ATF6: variants seen among roughly 807,000 people sequenced by gnomAD.
ATF6 encodes the protein activating transcription factor 6.
ATF6 carries 53 observed loss-of-function variants against 83.6 expected under a neutral mutation model. The observed-to-expected ratio is 0.63, with a 90% CI of 0.51 to 0.80. The LOEUF (loss-of-function observed/expected upper bound fraction) is 0.80. Among genes scored for constraint, ATF6 ranks in the 30% least tolerant of loss-of-function variants. The pLI, the probability that ATF6 is intolerant of heterozygous loss-of-function variation, is 0.00. For missense variants in ATF6, 744 were observed against 797.9 expected, an observed-to-expected ratio of 0.93 and a Z score of 0.81; for synonymous variants, 288 against 285.8, an observed-to-expected ratio of 1.01 and a Z score of -0.08.
At chr1:161,906,248 A>G (rs1204076474) in intron 14 of ATF6, among the ~76,000 whole-genome samples, 1 of 152,238 alleles carries the variant, frequency 6.6e-6, no homozygotes, top group African/African-American at 2.4e-5. Flanking sequence ...AGGGAGATCA[A>G]TCCTGACCTG....
intron 14 of ATF6, among the ~76,000 whole-genome samples, chr1:161,878,233 C>A (rs1348894044): frequency 6.6e-6 from 1 of 152,100 alleles, no homozygotes; most frequent in African/African-American, 2.4e-5. Context: ...CCTGCCTCAG[C>A]CTCCTGAGAA....
At chr1:161,937,423 T>C (rs1296441722) in intron 15 of ATF6, among the ~76,000 whole-genome samples, 1 of 149,836 alleles carries the variant, frequency 6.7e-6, no homozygotes, top group Non-Finnish European at 1.5e-5. Context: ...TTACCATAAA[T>C]AATTCATCTC....
At chr1:161,920,511 G>A (rs1225241174) in intron 15 of ATF6, among the ~76,000 whole-genome samples, 5 of 151,764 alleles carry the variant, frequency 3.3e-5, no homozygotes, top group Non-Finnish European at 7.4e-5. Flanking sequence ...AGCCAGGGTG[G>A]TCTCGATCTC....
intron 1 of ATF6, among the ~76,000 whole-genome samples, chr1:161,769,147 C>G (rs1684330915): frequency 6.6e-6 from 1 of 152,144 alleles, no homozygotes; most frequent in African/African-American, 2.4e-5. Flanking sequence ...TGTGATAGTG[C>G]AGGAGCAGCC....
intron 14 of ATF6, among the ~76,000 whole-genome samples, chr1:161,883,685 T>C (rs1687363828): frequency 6.6e-6 from 1 of 152,018 alleles, no homozygotes; most frequent in Admixed American, 6.5e-5. Context: ...CTTAGAAGCA[T>C]TAAAACACAC....
intron 14 of ATF6, among the ~76,000 whole-genome samples, chr1:161,887,029 A>G (rs1687435039): frequency 6.6e-6 from 1 of 152,076 alleles, no homozygotes; most frequent in Admixed American, 6.6e-5. Context: ...AAGGAAGGGA[A>G]GTGATATATT....
At chr1:161,829,115 G>A (rs7529356) in intron 9 of ATF6, among the ~76,000 whole-genome samples, 31,542 of 150,556 alleles carry the variant, frequency 0.21, 4,102 homozygotes, top group Non-Finnish European at 0.29. Flanking sequence ...CAATGCGGGA[G>A]CACCCAGATT....
chr1:161,865,348 CG>C (rs1417393269), intron 14 of ATF6, among the ~76,000 whole-genome samples: 5 of 151,942 alleles, frequency 3.3e-5, no homozygotes, highest in African/African-American at 1.2e-4. Flanking sequence ...TTAGTAGAGA[CG>C]GGGTTTCACC....
At chr1:161,818,681 G>A (rs1685675733) in intron 7 of ATF6, among the ~76,000 whole-genome samples, 1 of 152,208 alleles carries the variant, frequency 6.6e-6, no homozygotes, top group Non-Finnish European at 1.5e-5. Flanking sequence ...TGCGAATAAG[G>A]AAACATGTTA....
At chr1:161,884,026 C>T (rs1687370450) in intron 14 of ATF6, among the ~76,000 whole-genome samples, 1 of 151,946 alleles carries the variant, frequency 6.6e-6, no homozygotes, top group Admixed American at 6.6e-5. Context: ...GAGAAATGGT[C>T]AACAGAATTT....
intron 7 of ATF6, among the ~76,000 whole-genome samples, chr1:161,804,949 TA>T (rs1685242695): frequency 6.6e-6 from 1 of 152,010 alleles, no homozygotes; most frequent in African/African-American, 2.4e-5. Context: ...AATTAGAAGT[TA>T]AAAAATATAT....
At chr1:161,898,363 A>C (rs1305930689) in intron 14 of ATF6, among the ~76,000 whole-genome samples, 2 of 152,134 alleles carry the variant, frequency 1.3e-5, no homozygotes. Flanking sequence ...ACATTTACCC[A>C]GTGTTTTTAT....
chr1:161,949,716 CTT>C (rs1424278010), intron 15 of ATF6, among the ~76,000 whole-genome samples: 11 of 152,098 alleles, frequency 7.2e-5, no homozygotes, highest in Admixed American at 5.9e-4. Flanking sequence ...ATGCCAGACT[CTT>C]TTTAACAACC....
intron 9 of ATF6, among the ~76,000 whole-genome samples, chr1:161,830,421 T>A (rs543312912): frequency 6.6e-6 from 1 of 152,298 alleles, no homozygotes; most frequent in South Asian, 2.1e-4. Context: ...TACCAATGAC[T>A]TTCTTCACAG....
intron 14 of ATF6, among the ~76,000 whole-genome samples, chr1:161,900,750 G>A (rs1268883918): frequency 6.6e-6 from 1 of 152,010 alleles, no homozygotes; most frequent in East Asian, 1.9e-4. Flanking sequence ...TTATGCATTA[G>A]CTGAGACATG....
At chr1:161,816,400 T>C (rs1390822496) in intron 7 of ATF6, among the ~76,000 whole-genome samples, 1 of 152,242 alleles carries the variant, frequency 6.6e-6, no homozygotes, top group African/African-American at 2.4e-5. Flanking sequence ...GTCTCTGTTT[T>C]CAGACAGGCA....
At chr1:161,810,825 G>T (rs892803057) in intron 7 of ATF6, among the ~76,000 whole-genome samples, 1 of 151,964 alleles carries the variant, frequency 6.6e-6, no homozygotes, top group African/African-American at 2.4e-5. Flanking sequence ...GTGTGGAGTT[G>T]TCCCAGACAT....
intron 14 of ATF6, among the ~76,000 whole-genome samples, chr1:161,908,139 G>A (rs1001611247): frequency 6.6e-5 from 10 of 152,052 alleles, no homozygotes; most frequent in African/African-American, 2.4e-4. Flanking sequence ...CTGTGCTATG[G>A]GCACCAGTCA....
intron 9 of ATF6, among the ~76,000 whole-genome samples, chr1:161,821,749 A>T (rs975157481): frequency 6.6e-6 from 1 of 152,248 alleles, no homozygotes; most frequent in African/African-American, 2.4e-5. Flanking sequence ...GGAGGGTAAC[A>T]TAATCAGCTT....
Sources: gnomAD v4.1 joint callset for allele counts (sites outside exome capture counted in the v4.1 genomes callset) on GRCh38, gnomAD v4.1.1 for gene constraint, MANE v1.5 for transcripts, NCBI Gene and HGNC (gene_info 2026-07-23, HGNC 2026-07-21) for gene names.